The following RPS6KC1 variants were observed in gnomAD, a reference collection of about 807,000 sequenced individuals.
The protein encoded by RPS6KC1 is inactive ribosomal protein S6 kinase delta-1.
In RPS6KC1, 54 loss-of-function variants were observed where a neutral mutation model predicts 103.8. The observed-to-expected ratio is 0.52, with a 90% CI of 0.42 to 0.65. The LOEUF (loss-of-function observed/expected upper bound fraction) is 0.65, where lower values mean the gene tolerates loss of function less well. RPS6KC1 is among the 30% of genes least tolerant of loss of function. The pLI, the probability that RPS6KC1 is intolerant of heterozygous loss-of-function variation, is 0.00. For synonymous variants in RPS6KC1, 439 were observed against 438.7 expected (o/e 1.00, Z -0.01); for missense variants, 1,151 against 1,253.8 (o/e 0.92, Z 1.24).
chr1:213,791,338 C>G, the RPS6KC1 span, among the ~76,000 whole-genome samples: 1 of 152,036 alleles, frequency 6.6e-6, no homozygotes, highest in Non-Finnish European at 1.5e-5. Flanking sequence ...AGATCTCGAG[C>G]AGAAAAGTGA....
the RPS6KC1 span, among the ~76,000 whole-genome samples, chr1:213,556,962 A>C: frequency 6.6e-6 from 1 of 152,164 alleles, no homozygotes; most frequent in African/African-American, 2.4e-5. Flanking sequence ...CAGAATTGGG[A>C]CAGTCTTCCT....
chr1:213,336,208 G>A, the RPS6KC1 span, among the ~76,000 whole-genome samples: 15 of 152,264 alleles, frequency 9.9e-5, no homozygotes, highest in Non-Finnish European at 1.9e-4. Flanking sequence ...CTTCAAACTT[G>A]AGCTTGAAAA....
At chr1:213,553,130 A>C in the RPS6KC1 span, among the ~76,000 whole-genome samples, 1 of 150,368 alleles carries the variant, frequency 6.7e-6, no homozygotes, top group Non-Finnish European at 1.5e-5. Context: ...CTAATACCTG[A>C]TAGATAGTTT....
the RPS6KC1 span, among the ~76,000 whole-genome samples, chr1:213,797,197 A>G: frequency 2.0e-5 from 3 of 152,202 alleles, no homozygotes; most frequent in South Asian, 2.1e-4. Flanking sequence ...ATAAGAACTA[A>G]ACACTCAGGA....
chr1:213,846,520 C>G, the RPS6KC1 span, among the ~76,000 whole-genome samples: 1 of 152,102 alleles, frequency 6.6e-6, no homozygotes, highest in Non-Finnish European at 1.5e-5. Context: ...AACTAATTAG[C>G]TTGCTAATTA....
chr1:213,283,971 C>T, the RPS6KC1 span, among the ~76,000 whole-genome samples: 5 of 151,570 alleles, frequency 3.3e-5, no homozygotes, highest in Non-Finnish European at 5.9e-5. Flanking sequence ...ACATTAAGTG[C>T]CACTCAAAGA....
chr1:213,808,126 T>A, the RPS6KC1 span, among the ~76,000 whole-genome samples: 4 of 152,168 alleles, frequency 2.6e-5, no homozygotes, highest in African/African-American at 9.6e-5. Flanking sequence ...TGTCTGATCG[T>A]TCCTCTGGAA....
At chr1:213,443,060 G>A in the RPS6KC1 span, among the ~76,000 whole-genome samples, 1 of 151,876 alleles carries the variant, frequency 6.6e-6, no homozygotes, top group African/African-American at 2.4e-5. Context: ...TGTTGGCGGC[G>A]ATGTTTCTCA....
chr1:213,368,285 T>TTTTATGCTGTAGGGG, the RPS6KC1 span, among the ~76,000 whole-genome samples: 4,631 of 151,766 alleles, frequency 0.031, 253 homozygotes, highest in African/African-American at 0.11. Flanking sequence ...ATGATGGGGG[T>TTTTATGCTGTAGGGG]TTTATGCTGT....
chr1:213,499,390 T>C, the RPS6KC1 span, among the ~76,000 whole-genome samples: 1 of 152,178 alleles, frequency 6.6e-6, no homozygotes, highest in Admixed American at 6.5e-5. Context: ...ACCGTTTTCA[T>C]GGTAGACAAT....
At chr1:213,828,851 G>A in the RPS6KC1 span, among the ~76,000 whole-genome samples, 1 of 152,188 alleles carries the variant, frequency 6.6e-6, no homozygotes, top group Non-Finnish European at 1.5e-5. Context: ...TTATTACCTA[G>A]TAGTTTGATA....
the RPS6KC1 span, among the ~76,000 whole-genome samples, chr1:213,332,417 G>T: frequency 6.6e-6 from 1 of 152,250 alleles, no homozygotes; most frequent in Non-Finnish European, 1.5e-5. Context: ...TCAAATGGCA[G>T]TGGAGGGCAT....
chr1:213,094,107 A>G (rs1284407398), intron 3 of RPS6KC1, among the ~76,000 whole-genome samples: 1 of 150,406 alleles, frequency 6.6e-6, no homozygotes, highest in East Asian at 2.0e-4. Context: ...CCAAGAGAAT[A>G]GTATAGTGAA....
At chr1:213,518,338 A>G in the RPS6KC1 span, among the ~76,000 whole-genome samples, 6 of 152,232 alleles carry the variant, frequency 3.9e-5, no homozygotes, top group South Asian at 8.3e-4. Flanking sequence ...TCTAAATCCA[A>G]TAACAATCAT....
At chr1:213,520,817 C>G in the RPS6KC1 span, among the ~76,000 whole-genome samples, 7 of 152,104 alleles carry the variant, frequency 4.6e-5, no homozygotes, top group Non-Finnish European at 1.5e-5. Flanking sequence ...TGCTCTCTTT[C>G]TTAAAACAAA....
intron 1 of RPS6KC1, among the ~76,000 whole-genome samples, chr1:213,057,575 A>G (rs1263698517): frequency 6.6e-6 from 1 of 151,968 alleles, no homozygotes. Flanking sequence ...ATAGAATCAT[A>G]TAGTATTTAG....
At chr1:213,060,216 A>G (rs2077709399) in intron 1 of RPS6KC1, among the ~76,000 whole-genome samples, 1 of 152,264 alleles carries the variant, frequency 6.6e-6, no homozygotes, top group African/African-American at 2.4e-5. Context: ...AAAGGAAAAA[A>G]GAAAGAACCT....
At chr1:213,733,061 T>C in the RPS6KC1 span, among the ~76,000 whole-genome samples, 1 of 152,210 alleles carries the variant, frequency 6.6e-6, no homozygotes, top group Non-Finnish European at 1.5e-5. Flanking sequence ...GACTATTAGA[T>C]TGACTCCATA....
At chr1:213,524,449 C>A in the RPS6KC1 span, among the ~76,000 whole-genome samples, 1 of 151,654 alleles carries the variant, frequency 6.6e-6, no homozygotes, top group Non-Finnish European at 1.5e-5. Flanking sequence ...CTCAGCAGAT[C>A]GACTAGCTTC....
Sources: allele counts gnomAD v4.1 joint callset (sites outside exome capture counted in the v4.1 genomes callset), GRCh38; gene constraint gnomAD v4.1.1; transcripts MANE v1.5; gene names NCBI Gene and HGNC (gene_info 2026-07-23, HGNC 2026-07-21).